Variants in RASGRF2 observed in about 807,000 individuals in gnomAD.
RASGRF2 encodes the protein ras-specific guanine nucleotide-releasing factor 2.
A neutral mutation model predicts 151.0 loss-of-function variants in RASGRF2; 76 were observed. The ratio of observed to expected loss-of-function variants is 0.50; its 90% CI spans 0.42 to 0.61. The LOEUF is 0.61. Among genes scored for constraint, RASGRF2 ranks in the 20% least tolerant of loss-of-function variants. The pLI is 0.00. For missense variants in RASGRF2, 1,148 were observed against 1,564.6 expected, an observed-to-expected ratio of 0.73 and a Z score of 4.49; for synonymous variants, 504 against 566.5, an observed-to-expected ratio of 0.89 and a Z score of 1.57.
intron 2 of RASGRF2, among the ~76,000 whole-genome samples, chr5:81,051,162 A>T (rs1750997172): frequency 6.6e-6 from 1 of 152,150 alleles, no homozygotes; most frequent in African/African-American, 2.4e-5. Context: ...TGACAAAAAT[A>T]TATTCATCTT....
At chr5:81,167,119 A>G (rs1405458067) in intron 17 of RASGRF2, among the ~76,000 whole-genome samples, 7 of 152,146 alleles carry the variant, frequency 4.6e-5, no homozygotes, top group Non-Finnish European at 7.3e-5. Context: ...CACCATTGTG[A>G]GTTATGTTAC....
At chr5:80,968,810 A>G (rs1747807637) in intron 1 of RASGRF2, among the ~76,000 whole-genome samples, 1 of 152,046 alleles carries the variant, frequency 6.6e-6, no homozygotes, top group Non-Finnish European at 1.5e-5. Flanking sequence ...CAGCCTCCCA[A>G]GTAGTTGGGA....
Position 81,113,732 on chromosome 5 carries a change from C to A in RASGRF2, c.2282C>A (p.Thr761Lys). The change falls in exon 15 of 27, where the codon ACA (threonine) becomes AAA (lysine). Residue 761 changes from threonine to lysine, a missense_variant. Coordinates refer to ENST00000265080, the MANE Select transcript of RASGRF2 (RefSeq NM_006909.3). Reference protein sequence around the residue: ...LNSKIGALDLTTSSSPTTTTQ... With the variant: ...LNSKIGALDLKTSSSPTTTTQ... ...TCAAAGATAGGAGCATTGGACCTGA[C>A]AACTTCCAGCAGTCCCACCACCACC... 6.2e-7 allele frequency: 1 copy of A among 1,614,084 alleles called. No homozygotes were observed. The highest frequency in any genetic ancestry group is 8.5e-7 in the Non-Finnish European group (1 of 1,179,964).
intron 1 of RASGRF2, among the ~76,000 whole-genome samples, chr5:81,032,515 C>A (rs1033934310): frequency 6.6e-6 from 1 of 152,162 alleles, no homozygotes; most frequent in Non-Finnish European, 1.5e-5. Flanking sequence ...TAAACGTAAT[C>A]CAGCATATAA....
chr5:81,052,852 G>A (rs1751057654), intron 2 of RASGRF2, among the ~76,000 whole-genome samples: 1 of 152,162 alleles, frequency 6.6e-6, no homozygotes, highest in Non-Finnish European at 1.5e-5. Flanking sequence ...CTCCTGGCAT[G>A]AGGAACGCTG....
rs762706337 is a variant in RASGRF2, at chr5:81,070,534, C to A, written c.586C>A (p.Gln196Lys). The change falls in exon 4 of 27, where the codon CAA becomes AAA. Residue 196 changes from glutamine to lysine, a missense_variant. By Grantham distance (53) the Gln-to-Lys change is moderately conservative. Transcript: ENST00000265080. ...NKTKERMRPY[Q>K]SNQEDEDPDI... ...AACCAAAGAACGAATGCGACCTTAC[C>A]AAAGCAACCAAGAAGACGAAGATCC... The A allele has an allele frequency of 6.2e-7, 1 of 1,611,732 alleles. No homozygotes were observed. The highest frequency in any genetic ancestry group is 8.5e-7 in the Non-Finnish European group (1 of 1,177,926).
chr5:81,035,802 A>G (rs992873522), intron 1 of RASGRF2, among the ~76,000 whole-genome samples: 3 of 152,168 alleles, frequency 2.0e-5, no homozygotes, highest in Non-Finnish European at 4.4e-5. Context: ...AAAGATTCAA[A>G]CATACATCCT....
chr5:81,000,163 G>C (rs573544738), intron 1 of RASGRF2, among the ~76,000 whole-genome samples: 2 of 152,352 alleles, frequency 1.3e-5, no homozygotes, highest in East Asian at 3.9e-4. Flanking sequence ...CTTGCATATG[G>C]AGCCCTGAGA....
chr5:80,977,647 G>A (rs1040592726), intron 1 of RASGRF2, among the ~76,000 whole-genome samples: 5 of 152,112 alleles, frequency 3.3e-5, no homozygotes, highest in African/African-American at 1.2e-4. Context: ...AGTAGAGATG[G>A]GGTTTCGCCG....
chr5:80,980,108 ATT>A (rs958309900), intron 1 of RASGRF2, among the ~76,000 whole-genome samples: 2 of 152,116 alleles, frequency 1.3e-5, no homozygotes, highest in Non-Finnish European at 2.9e-5. Flanking sequence ...GTTAAATCTG[ATT>A]TGTTACCTTT....
intron 10 of RASGRF2, among the ~76,000 whole-genome samples, chr5:81,093,968 CT>C (rs1175593526): frequency 3.9e-5 from 6 of 152,118 alleles, no homozygotes; most frequent in African/African-American, 1.4e-4. Flanking sequence ...GCTTAAGCCA[CT>C]TCCTGGTTGG....
chr5:80,977,504 C>G (rs1275638623), intron 1 of RASGRF2, among the ~76,000 whole-genome samples: 1 of 149,042 alleles, frequency 6.7e-6, no homozygotes, highest in South Asian at 2.1e-4. Flanking sequence ...CTCTTGTCCC[C>G]CAGGCTGGAG....
chr5:81,092,734 C>A, intron 9 of RASGRF2, 67 bp from the exon 10 acceptor site: 1 of 1,433,090 alleles, frequency 7.0e-7, no homozygotes, highest in South Asian at 1.3e-5. Flanking sequence ...GTGTTTATTG[C>A]CGTGGACATG....
At chr5:81,059,866 A>AAACAAAT (rs936302374) in intron 2 of RASGRF2, among the ~76,000 whole-genome samples, 3 of 152,112 alleles carry the variant, frequency 2.0e-5, no homozygotes, top group African/African-American at 7.2e-5. Context: ...AAAAAACAAA[A>AAACAAAT]AAAACAACCT....
rs542357119 is a variant in RASGRF2 at position 81,149,634 on chromosome 5, T to TA, written c.2686+22483dup. 4.1e-3 allele frequency among the ~76,000 whole-genome samples: 603 copies of TA among 145,868 alleles called. 1 individual carries two copies. The highest frequency in any genetic ancestry group is 0.014 in the African/African-American group (543 of 39,866). ...CTGTTGAAATAAAATTTTTTACAAT[T>TA]AAAAAAAAAAAATCCACCCTCCATG... is the stretch of plus-strand genomic sequence containing the variant. On this transcript the variant is annotated intron_variant, in intron 17 of 26. Transcript: ENST00000265080.
chr5:81,198,501 G>A (rs934160532), intron 18 of RASGRF2, among the ~76,000 whole-genome samples: 5 of 151,686 alleles, frequency 3.3e-5, no homozygotes, highest in Non-Finnish European at 5.9e-5. Context: ...GTGCAGTGGC[G>A]CGATCTTGGC....
chr5:81,087,255 G>GC (rs1752263451), intron 9 of RASGRF2: 1 of 702,950 alleles, frequency 1.4e-6, no homozygotes. Flanking sequence ...GGTCGGCCTG[G>GC]CCCACGGCCG....
intron 2 of RASGRF2, among the ~76,000 whole-genome samples, chr5:81,045,325 T>C (rs1750802072): frequency 6.6e-6 from 1 of 152,212 alleles, no homozygotes; most frequent in South Asian, 2.1e-4. Flanking sequence ...GCCTTTGTAG[T>C]TGTCAAGCAA....
At chr5:80,962,402 A>AATAT in intron 1 of RASGRF2, among the ~76,000 whole-genome samples, 1 of 152,180 alleles carries the variant, frequency 6.6e-6, no homozygotes, top group Admixed American at 6.5e-5. Context: ...TTTTTTCAGG[A>AATAT]ATATATATAA....
Sources: allele counts gnomAD v4.1 joint callset (sites outside exome capture counted in the v4.1 genomes callset), GRCh38; gene constraint gnomAD v4.1.1; transcripts MANE v1.5; gene names NCBI Gene and HGNC (gene_info 2026-07-23, HGNC 2026-07-21).